WWOX: variants seen among roughly 807,000 people sequenced by gnomAD.
WWOX encodes WW domain containing oxidoreductase.
WWOX carries 69 observed loss-of-function variants against 46.2 expected under a neutral mutation model. The ratio of observed to expected loss-of-function variants is 1.49; its 90% CI spans 1.23 to 1.82. The LOEUF is 1.82. WWOX is among the 40% of genes most tolerant of loss of function. The pLI is 0.00. For missense variants in WWOX, 919 were observed against 542.6 expected, an observed-to-expected ratio of 1.69 and a Z score of -6.89; for synonymous variants, 359 against 202.6, an observed-to-expected ratio of 1.77 and a Z score of -6.56.
chr16:78,402,624 A>G (rs528165254), intron 6 of WWOX, among the ~76,000 whole-genome samples: 18 of 152,218 alleles, frequency 1.2e-4, no homozygotes, highest in Admixed American at 1.0e-3. Context: ...TATTGGTACA[A>G]TCAGTCAGGA....
intron 8 of WWOX, among the ~76,000 whole-genome samples, chr16:79,117,108 C>T (rs1218620756): frequency 6.6e-6 from 1 of 152,050 alleles, no homozygotes; most frequent in Non-Finnish European, 1.5e-5. Context: ...ATGACTGCAG[C>T]TCAAATTATC....
chr16:78,240,114 T>C (rs757939687), intron 5 of WWOX, among the ~76,000 whole-genome samples: 4 of 152,010 alleles, frequency 2.6e-5, no homozygotes, highest in Non-Finnish European at 4.4e-5. Context: ...TGTAATTAGC[T>C]AAGAATCTCA....
chr16:78,778,044 GAAAAA>G (rs11309867), intron 8 of WWOX, among the ~76,000 whole-genome samples: 5 of 99,754 alleles, frequency 5.0e-5, no homozygotes, highest in Non-Finnish European at 1.0e-4. Flanking sequence ...GACTCCATCT[GAAAAA>G]AAAAAAAAAA....
intron 8 of WWOX, among the ~76,000 whole-genome samples, chr16:78,601,261 C>A (rs147678699): frequency 2.0e-4 from 30 of 152,294 alleles, no homozygotes; most frequent in African/African-American, 7.2e-4. Context: ...CCGGGTCCCT[C>A]TTTGCCCCTT....
At chr16:78,225,201 G>A (rs914599790) in intron 5 of WWOX, among the ~76,000 whole-genome samples, 2 of 152,154 alleles carry the variant, frequency 1.3e-5, no homozygotes, top group African/African-American at 4.8e-5. Context: ...AACCTGTATA[G>A]TATATTACTG....
intron 6 of WWOX, among the ~76,000 whole-genome samples, chr16:78,393,349 C>A (rs2082215675): frequency 6.6e-6 from 1 of 152,152 alleles, no homozygotes; most frequent in South Asian, 2.1e-4. Flanking sequence ...CTCTGTAATA[C>A]TTTTTCTTCT....
At chr16:78,137,283 A>G (rs117997121) in intron 4 of WWOX, among the ~76,000 whole-genome samples, 2 of 152,040 alleles carry the variant, frequency 1.3e-5, no homozygotes, top group Non-Finnish European at 2.9e-5. Context: ...GTGAATCCTC[A>G]CCCTCCGATA....
intron 4 of WWOX, among the ~76,000 whole-genome samples, chr16:78,122,426 C>G (rs2033142033): frequency 6.6e-6 from 1 of 151,954 alleles, no homozygotes; most frequent in South Asian, 2.1e-4. Context: ...GGGTCAAACC[C>G]ATAATTAAAA....
intron 8 of WWOX, among the ~76,000 whole-genome samples, chr16:78,994,098 C>G (rs116347095): frequency 1.1e-3 from 165 of 152,272 alleles, no homozygotes; most frequent in African/African-American, 3.8e-3. Context: ...TTATTATGAT[C>G]AAGAAACGTT....
intron 8 of WWOX, among the ~76,000 whole-genome samples, chr16:79,185,504 G>GC (rs60278092): frequency 1 from 152,272 of 152,300 alleles, 76,122 homozygotes; most frequent in Middle Eastern, 1. Context: ...GACACCTCCT[G>GC]CCCCCTGGCC....
At chr16:79,160,672 C>T (rs182303934) in intron 8 of WWOX, among the ~76,000 whole-genome samples, 68 of 152,258 alleles carry the variant, frequency 4.5e-4, no homozygotes, top group East Asian at 2.1e-3. Flanking sequence ...TCACTGATCA[C>T]GTCCCATACA....
At chr16:78,308,099 C>G (rs1332027951) in intron 5 of WWOX, among the ~76,000 whole-genome samples, 1 of 152,116 alleles carries the variant, frequency 6.6e-6, no homozygotes, top group African/African-American at 2.4e-5. Context: ...CCAGTCAGGC[C>G]TTCATTTTTC....
intron 8 of WWOX, among the ~76,000 whole-genome samples, chr16:78,791,988 ATTTC>A (rs1395521095): frequency 1.3e-5 from 2 of 152,020 alleles, no homozygotes; most frequent in African/African-American, 4.8e-5. Context: ...AAGGGAGGAA[ATTTC>A]TTTCAGAAGT....
intron 4 of WWOX, among the ~76,000 whole-genome samples, chr16:78,122,685 A>G (rs747635345): frequency 2.7e-4 from 41 of 151,518 alleles, no homozygotes; most frequent in Admixed American, 3.9e-4. Context: ...GCTCACTGCA[A>G]CCTCCGCCTC....
intron 8 of WWOX, among the ~76,000 whole-genome samples, chr16:78,663,727 G>T (rs955322597): frequency 2.6e-5 from 4 of 152,160 alleles, no homozygotes; most frequent in Non-Finnish European, 5.9e-5. Flanking sequence ...TAGTGATTGT[G>T]TGTGTGATCA....
intron 5 of WWOX, among the ~76,000 whole-genome samples, chr16:78,334,857 A>AC: frequency 1.4e-5 from 2 of 140,284 alleles, no homozygotes; most frequent in Non-Finnish European, 1.5e-5. Flanking sequence ...CACACACACA[A>AC]AATCACCAAA....
intron 8 of WWOX, among the ~76,000 whole-genome samples, chr16:78,979,506 G>T (rs2046639330): frequency 6.6e-6 from 1 of 152,142 alleles, no homozygotes; most frequent in South Asian, 2.1e-4. Context: ...CTGAATTAGA[G>T]GCAGGTGAAA....
chr16:79,004,839 C>G (rs2047161001), intron 8 of WWOX: 1 of 152,206 alleles, frequency 6.6e-6, no homozygotes, highest in Non-Finnish European at 1.5e-5. Flanking sequence ...TTTCCCTCAG[C>G]TTGCTGGGGC....
intron 8 of WWOX, among the ~76,000 whole-genome samples, chr16:78,972,250 A>G (rs2046485746): frequency 6.6e-6 from 1 of 152,066 alleles, no homozygotes; most frequent in African/African-American, 2.4e-5. Flanking sequence ...AATTCATGTA[A>G]TGTTGCTGTT....
Sources: gnomAD v4.1 joint callset for allele counts (sites outside exome capture counted in the v4.1 genomes callset) on GRCh38, gnomAD v4.1.1 for gene constraint, MANE v1.5 for transcripts, NCBI Gene and HGNC (gene_info 2026-07-23, HGNC 2026-07-21) for gene names.